FLT3: variants seen among roughly 807,000 people sequenced by gnomAD.
FLT3 encodes the protein receptor-type tyrosine-protein kinase FLT3.
In FLT3, 46 loss-of-function variants were observed where a neutral mutation model predicts 126.6. That is an observed-to-expected ratio of 0.36 (90% CI 0.29 to 0.46). FLT3 has a LOEUF of 0.46. FLT3 is among the 20% of genes least tolerant of loss of function. The pLI, the probability that FLT3 is intolerant of heterozygous loss-of-function variation, is 1.00. For synonymous variants in FLT3, 404 were observed against 434.4 expected, an observed-to-expected ratio of 0.93 and a Z score of 0.87; for missense variants, 1,069 against 1,190.3, an observed-to-expected ratio of 0.90 and a Z score of 1.50.
chr13:28,054,016 AG>A, intron 4 of FLT3, among the ~76,000 whole-genome samples: 1 of 152,058 alleles, frequency 6.6e-6, no homozygotes, highest in Non-Finnish European at 1.5e-5. Flanking sequence ...ACCCGGCCAC[AG>A]TTTTTTGTAT....
chr13:28,071,106 T>C (rs990803777), intron 1 of FLT3, among the ~76,000 whole-genome samples: 2 of 147,786 alleles, frequency 1.4e-5, no homozygotes, highest in Admixed American at 7.0e-5. Context: ...GTGATTCTCC[T>C]GTCTCAGCCT....
At chr13:28,017,060 G>C (rs137959479) in intron 20 of FLT3, among the ~76,000 whole-genome samples, 101 of 152,258 alleles carry the variant, frequency 6.6e-4, no homozygotes, top group African/African-American at 2.4e-3. Flanking sequence ...AAGTCCACAT[G>C]CTGTGTAACC....
At position 28,027,163 on chromosome 13, in the gene FLT3, T is replaced by C. The variant is rs1172758073; in HGVS notation, c.2132A>G (p.His711Arg). 1 of 1,613,334 alleles carries C rather than the reference T, an allele frequency of 6.2e-7. No homozygotes were observed. Among genetic ancestry groups the C allele is most frequent in the Non-Finnish European group, 8.5e-7 (1 of 1,179,352 alleles). Residue 711 changes from histidine to arginine, a missense_variant, in exon 17 of 24, where the codon CAC becomes CGC. Physicochemically the swap from His to Arg is conservative, Grantham distance 29 (BLOSUM62 0). Coordinates refer to ENST00000241453, the MANE Select transcript of FLT3 (RefSeq NM_004119.3). ...NYLRSKREKF[H>R]RTWTEIFKEH... Reference sequence around the variant, plus strand: ...CTTGAAAATCTCTGTCCAAGTCCTGTGAAATTTTTCTCTTTTACTTCTTAG... The same window carrying C: ...CTTGAAAATCTCTGTCCAAGTCCTGCGAAATTTTTCTCTTTTACTTCTTAG...
At chr13:28,012,780 C>CA (rs1242230624) in intron 23 of FLT3, among the ~76,000 whole-genome samples, 7 of 151,328 alleles carry the variant, frequency 4.6e-5, no homozygotes, top group East Asian at 1.9e-4. Flanking sequence ...ACCAAAAATA[C>CA]AAAAAAAATA....
chr13:28,069,447 T>C (rs142135325), intron 2 of FLT3, among the ~76,000 whole-genome samples: 76 of 151,904 alleles, frequency 5.0e-4, no homozygotes, highest in Non-Finnish European at 9.3e-4. Flanking sequence ...CTTGGGGAAA[T>C]AGAAATGAAA....
chr13:28,074,392 T>C (rs1034735527), intron 1 of FLT3, among the ~76,000 whole-genome samples: 4 of 152,234 alleles, frequency 2.6e-5, no homozygotes, highest in Non-Finnish European at 5.9e-5. Context: ...AGTCTTAATA[T>C]GGATATATAC....
chr13:28,018,442 A>T, intron 20 of FLT3, 25 bp downstream of exon 20: 3 of 1,613,074 alleles, frequency 1.9e-6, no homozygotes, highest in Non-Finnish European at 1.7e-6. Context: ...GCCGTATAAA[A>T]ATAAGTAGGA....
chr13:28,090,568 A>G (rs1878971441), intron 1 of FLT3, among the ~76,000 whole-genome samples: 2 of 152,128 alleles, frequency 1.3e-5, no homozygotes, highest in African/African-American at 4.8e-5. Flanking sequence ...ACTTGAGCTC[A>G]GGAGTTCGAG....
chr13:28,066,242 G>C (rs1293244617), intron 2 of FLT3, among the ~76,000 whole-genome samples: 1 of 152,100 alleles, frequency 6.6e-6, no homozygotes, highest in Non-Finnish European at 1.5e-5. Context: ...TCTCACCAGG[G>C]TATGGGTTAG....
rs946788745 is a variant in FLT3 at position 28,036,006 on chromosome 13, C to T, written c.1347G>A (p.Gln449=). The T allele has an allele frequency of 1.9e-6, 3 of 1,614,026 alleles. No homozygotes were observed. Among genetic ancestry groups the T allele is most frequent in the African/African-American group, 2.7e-5 (2 of 74,894 alleles). Residue 449 remains glutamine, a synonymous_variant, in exon 11 of 24, where the codon CAG becomes CAA. Transcript: ENST00000241453. The part of the protein sequence containing the change: ...PQVLAEASAS[Q]ASCFSDGYPL... ...GGTATCCATCCGAGAAACAGGACGC[C>T]TGACTTGCCGATGCTTCTGCGAGCA...
intron 1 of FLT3, among the ~76,000 whole-genome samples, chr13:28,084,159 T>A (rs1174662044): frequency 6.6e-6 from 1 of 151,254 alleles, no homozygotes; most frequent in Non-Finnish European, 1.5e-5. Flanking sequence ...GTCTCCCTAA[T>A]TTTTTTTTAT....
At chr13:28,042,032 T>A (rs534436573) in intron 9 of FLT3, among the ~76,000 whole-genome samples, 12 of 151,882 alleles carry the variant, frequency 7.9e-5, no homozygotes, top group Admixed American at 6.6e-4. Context: ...CACACGCCTG[T>A]AATCCCAGCT....
At chr13:28,073,937 C>G (rs1446696737) in intron 1 of FLT3, among the ~76,000 whole-genome samples, 1 of 54,822 alleles carries the variant, frequency 1.8e-5, no homozygotes, top group African/African-American at 5.1e-5. Flanking sequence ...CAGATCCTGC[C>G]TCTAAAAAAA....
chr13:28,008,325 A>AT (rs1217076530), intron 23 of FLT3, among the ~76,000 whole-genome samples: 2 of 147,750 alleles, frequency 1.4e-5, no homozygotes, highest in East Asian at 2.0e-4. Context: ...ATTGATTTTC[A>AT]TTTTTCTTTG....
At chr13:28,028,097 GA>G in intron 16 of FLT3, 80 bp downstream of exon 16, 1 of 750,532 alleles carries the variant, frequency 1.3e-6, no homozygotes, top group Non-Finnish European at 2.4e-6. Context: ...AAAAGAGAGA[GA>G]GAGAGAGAGA....
chr13:28,041,731 G>T (rs1167807581), intron 9 of FLT3, among the ~76,000 whole-genome samples: 1 of 152,220 alleles, frequency 6.6e-6, no homozygotes, highest in African/African-American at 2.4e-5. Flanking sequence ...GAGATGCAAA[G>T]CTTCCTCTTT....
At chr13:28,047,198 C>T (rs1175624139) in intron 9 of FLT3, among the ~76,000 whole-genome samples, 1 of 152,180 alleles carries the variant, frequency 6.6e-6, no homozygotes, top group African/African-American at 2.4e-5. Context: ...ATGATTCTTA[C>T]ACAGTTGTTC....
intron 1 of FLT3, among the ~76,000 whole-genome samples, chr13:28,096,039 T>G (rs1164235228): frequency 1.3e-5 from 2 of 152,180 alleles, no homozygotes; most frequent in Non-Finnish European, 2.9e-5. Flanking sequence ...AAGCATTAAA[T>G]ACAGTACTAT....
Position 28,100,249 on chromosome 13 carries a change from G to T in FLT3, c.43+219C>A, listed in dbSNP as rs1007148381. On this transcript the variant is annotated intron_variant, in intron 1 of 23. Transcript: ENST00000241453. The surrounding 1 kb of genome is among the most constrained non-coding windows in gnomAD (Gnocchi z 4.8). The stretch of plus-strand genomic sequence containing the variant: ...GAGCCAGAGGAGAGACTTCGGAGAA[G>T]AGGGAAGAGGACGCGGGGTGGGAAA... 5.3e-5 allele frequency among the ~76,000 whole-genome samples: 8 copies of T among 152,248 alleles called. No homozygotes were observed. Among genetic ancestry groups the T allele is most frequent in the Admixed American group, 4.6e-4 (7 of 15,304 alleles).
Sources: allele counts gnomAD v4.1 joint callset (sites outside exome capture counted in the v4.1 genomes callset), GRCh38; gene constraint gnomAD v4.1.1; non-coding constraint Gnocchi (gnomAD v3.1); transcripts MANE v1.5; gene names NCBI Gene and HGNC (gene_info 2026-07-23, HGNC 2026-07-21).